The following FNDC3B variants were observed in gnomAD, a reference collection of about 807,000 sequenced individuals.
FNDC3B encodes the protein fibronectin type III domain-containing protein 3B.
FNDC3B carries 12 observed loss-of-function variants against 151.5 expected under a neutral mutation model. The observed-to-expected ratio is 0.08, with a 90% CI of 0.05 to 0.13. The LOEUF (loss-of-function observed/expected upper bound fraction) is 0.13, where lower values mean the gene tolerates loss of function less well. Among genes scored for constraint, FNDC3B ranks in the 10% least tolerant of loss-of-function variants. The pLI is 1.00. For synonymous variants in FNDC3B, 528 were observed against 549.0 expected (o/e 0.96, Z 0.54); for missense variants, 1,214 against 1,505.3 (o/e 0.81, Z 3.20).
chr3:172,113,486 C>CT (rs1040358352), intron 2 of FNDC3B, among the ~76,000 whole-genome samples: 11 of 152,164 alleles, frequency 7.2e-5, no homozygotes, highest in African/African-American at 2.7e-4. Flanking sequence ...GACCTTGCTG[C>CT]TTAATAATTT....
chr3:172,050,208 A>T (rs1716572988), intron 1 of FNDC3B, among the ~76,000 whole-genome samples: 1 of 152,186 alleles, frequency 6.6e-6, no homozygotes, highest in African/African-American at 2.4e-5. Context: ...TATACTCAAA[A>T]TGTCAGATAA....
At chr3:172,305,697 C>G (rs1576893283) in intron 9 of FNDC3B, among the ~76,000 whole-genome samples, 1 of 152,150 alleles carries the variant, frequency 6.6e-6, no homozygotes, top group South Asian at 2.1e-4. Context: ...ACACTGCCAC[C>G]ACACATACAC....
chr3:172,355,209 A>G lies in FNDC3B; in HGVS notation c.2795+2126A>G, dbSNP rs555756040. On this transcript the variant is annotated intron_variant, in intron 22 of 25. Transcript: ENST00000415807. ...ACCTAACTTTGCTCTGTGTGCTTCC[A>G]GCCAAGTAGTCACAGATTTGGCAAG... Among the ~76,000 whole-genome samples the G allele has an allele frequency of 3.3e-5, 5 of 152,338 alleles. No individual in the cohort carries two copies. The South Asian group carries it at 1.0e-3, about 32-fold the overall frequency.
At chr3:172,248,871 A>ATT (rs144209083) in intron 5 of FNDC3B, among the ~76,000 whole-genome samples, 20,510 of 149,650 alleles carry the variant, frequency 0.14, 1,541 homozygotes, top group African/African-American at 0.21. Flanking sequence ...TGTTTTGTTT[A>ATT]TTTTTTTTTG....
At chr3:172,317,265 C>T (rs1281326218) in intron 11 of FNDC3B, 4 of 386,360 alleles carry the variant, frequency 1.0e-5, no homozygotes, top group Middle Eastern at 4.3e-4. Flanking sequence ...CTCACTGCAA[C>T]GTCTGCCTCC....
At chr3:172,331,815 T>C (rs1732690956) in intron 13 of FNDC3B, among the ~76,000 whole-genome samples, 1 of 152,210 alleles carries the variant, frequency 6.6e-6, no homozygotes, top group Non-Finnish European at 1.5e-5. Flanking sequence ...TGGGCAGTCC[T>C]TCCCTGATCA....
intron 3 of FNDC3B, among the ~76,000 whole-genome samples, chr3:172,203,657 T>C (rs1725273406): frequency 6.6e-6 from 1 of 152,200 alleles, no homozygotes; most frequent in Admixed American, 6.5e-5. Flanking sequence ...CAGATCGCAG[T>C]GGTAACAACA....
At chr3:172,072,113 A>T (rs895100386) in intron 1 of FNDC3B, among the ~76,000 whole-genome samples, 1 of 149,170 alleles carries the variant, frequency 6.7e-6, no homozygotes, top group African/African-American at 2.5e-5. Flanking sequence ...TGTCCAATAG[A>T]ATTGTTGAAA....
At chr3:172,357,508 C>T (rs1734151543) in intron 22 of FNDC3B, among the ~76,000 whole-genome samples, 1 of 152,150 alleles carries the variant, frequency 6.6e-6, no homozygotes. Context: ...GAGGTGAATT[C>T]TTGGAGTGGT....
At chr3:172,042,066 A>T (rs1716110615) in intron 1 of FNDC3B, among the ~76,000 whole-genome samples, 1 of 148,276 alleles carries the variant, frequency 6.7e-6, no homozygotes, top group Non-Finnish European at 1.5e-5. Context: ...TTGTGGTTTA[A>T]ATTACTTTAA....
rs553050358 is a variant in FNDC3B at position 172,319,345 on chromosome 3, T to G, written c.1254+8464T>G. Among the ~76,000 whole-genome samples, 44 of 152,266 alleles carry G rather than the reference T, an allele frequency of 2.9e-4. 2 individuals are homozygous for G. In the South Asian group the frequency reaches 6.4e-3, roughly 22 times the overall value. ...CCTTCCCTGAGACAGTCTTAACACA[T>G]CGATCCTCTCAAAGCATTTGAAAAC... On this transcript the variant is annotated intron_variant, in intron 11 of 25. Coordinates refer to ENST00000415807, the MANE Select transcript of FNDC3B (RefSeq NM_022763.4).
chr3:172,369,352 G>T (rs1296439662), intron 23 of FNDC3B, among the ~76,000 whole-genome samples: 1 of 152,170 alleles, frequency 6.6e-6, no homozygotes, highest in Non-Finnish European at 1.5e-5. Context: ...AGCAAAGTAG[G>T]AGAGTGGGAG....
At chr3:172,148,791 G>C (rs1400003103) in intron 3 of FNDC3B, among the ~76,000 whole-genome samples, 1 of 152,206 alleles carries the variant, frequency 6.6e-6, no homozygotes, top group Non-Finnish European at 1.5e-5. Flanking sequence ...CTCCTGTTCA[G>C]TGGTTGAGTT....
At chr3:172,059,444 AG>A (rs1717080028) in intron 1 of FNDC3B, among the ~76,000 whole-genome samples, 1 of 152,198 alleles carries the variant, frequency 6.6e-6, no homozygotes, top group African/African-American at 2.4e-5. Context: ...AGGACTTAAA[AG>A]GCTTTGAAAA....
intron 1 of FNDC3B, among the ~76,000 whole-genome samples, chr3:172,082,251 T>A (rs1285156858): frequency 6.6e-6 from 1 of 152,230 alleles, no homozygotes; most frequent in African/African-American, 2.4e-5. Context: ...CATAAACATT[T>A]TTTCCTGTCC....
intron 3 of FNDC3B, among the ~76,000 whole-genome samples, chr3:172,186,032 G>A (rs1312923327): frequency 6.6e-6 from 1 of 152,226 alleles, no homozygotes; most frequent in Non-Finnish European, 1.5e-5. Flanking sequence ...GATCTTACAA[G>A]TGTCTCAAGT....
intron 9 of FNDC3B, chr3:172,303,202 A>T (rs1731021041): frequency 6.6e-6 from 1 of 152,134 alleles, no homozygotes; most frequent in Non-Finnish European, 1.5e-5. Context: ...TTACTGCGGG[A>T]GTCAACAATT....
At chr3:172,362,412 A>T (rs1190862481) in intron 22 of FNDC3B, among the ~76,000 whole-genome samples, 1 of 138,148 alleles carries the variant, frequency 7.2e-6, no homozygotes, top group Non-Finnish European at 1.6e-5. Context: ...ATATCTTGCT[A>T]CCGTGCTTTT....
intron 3 of FNDC3B, among the ~76,000 whole-genome samples, chr3:172,213,877 A>G (rs1725846592): frequency 6.6e-6 from 1 of 152,124 alleles, no homozygotes; most frequent in African/African-American, 2.4e-5. Flanking sequence ...TAGACCCTTG[A>G]TTTTGATTTG....
Sources: gnomAD v4.1 joint callset for allele counts (sites outside exome capture counted in the v4.1 genomes callset) on GRCh38, gnomAD v4.1.1 for gene constraint, MANE v1.5 for transcripts, NCBI Gene and HGNC (gene_info 2026-07-23, HGNC 2026-07-21) for gene names.